PITPNC1: variants seen among roughly 807,000 people sequenced by gnomAD.
The protein encoded by PITPNC1 is phosphatidylinositol transfer protein cytoplasmic 1.
A neutral mutation model predicts 44.7 loss-of-function variants in PITPNC1; 18 were observed. That is an observed-to-expected ratio of 0.40 (90% CI 0.28 to 0.60). The LOEUF is 0.60. Among genes scored for constraint, PITPNC1 ranks in the 20% least tolerant of loss-of-function variants. The pLI is 0.39. For synonymous variants in PITPNC1, 141 were observed against 149.6 expected (o/e 0.94, Z 0.42); for missense variants, 290 against 418.4 (o/e 0.69, Z 2.68).
At chr17:67,484,351 A>G (rs1001241158) in intron 1 of PITPNC1, among the ~76,000 whole-genome samples, 2 of 152,200 alleles carry the variant, frequency 1.3e-5, no homozygotes, top group African/African-American at 4.8e-5. Context: ...GATCATTTAT[A>G]GCCAACTTTT....
chr17:67,670,522 T>G (rs1425991316), intron 7 of PITPNC1, among the ~76,000 whole-genome samples: 3 of 151,536 alleles, frequency 2.0e-5, no homozygotes, highest in Non-Finnish European at 4.4e-5. Flanking sequence ...CTGAGGCAGG[T>G]GGATCACTTG....
chr17:67,693,667 C>T lies in PITPNC1; in HGVS notation c.*779C>T, dbSNP rs894637241. 5 of 152,202 alleles carry T rather than the reference C, an allele frequency of 3.3e-5. No homozygotes were observed. The highest frequency in any genetic ancestry group is 9.7e-5 in the African/African-American group (4 of 41,444). The allele number at this position is 152,202 out of a possible 1,614,324, so 9.4% of individuals were successfully genotyped here. On this transcript the variant is annotated 3_prime_UTR_variant, in exon 9 of 9. Transcript: ENST00000581322. Reference sequence around the variant, plus strand: ...GGTGAGGCAACATCTTTTTTCTCTACAGGTACCAACAAACCTTGACTTGTC... The same window carrying T: ...GGTGAGGCAACATCTTTTTTCTCTATAGGTACCAACAAACCTTGACTTGTC...
chr17:67,378,071 C>T lies in PITPNC1; in HGVS notation c.-84C>T, dbSNP rs1039493650. 85 of 899,892 alleles carry T rather than the reference C, an allele frequency of 9.4e-5. No individual in the cohort carries two copies. Among genetic ancestry groups the T allele is most frequent in the Non-Finnish European group, 1.2e-4 (76 of 636,372 alleles). The allele number at this position is 899,892 out of a possible 1,614,324, so 55.7% of individuals were successfully genotyped here. A position where few individuals can be genotyped will look rare whatever the true frequency, so the allele number is the denominator to read the frequency against. ...GCTCCGAGCGCCGGGCTCCGGGCGC[C>T]CTGCCCTGCGCCTGGGCAGCAGCCT... On this transcript the variant is annotated 5_prime_UTR_variant, in exon 1 of 9. Coordinates refer to ENST00000581322, the MANE Select transcript of PITPNC1 (RefSeq NM_012417.4).
intron 7 of PITPNC1, among the ~76,000 whole-genome samples, chr17:67,672,214 G>A (rs761053615): frequency 1.4e-4 from 21 of 151,918 alleles, no homozygotes; most frequent in Non-Finnish European, 2.4e-4. Flanking sequence ...GTTTACAGTC[G>A]TGAGCCACCA....
At chr17:67,426,799 T>C (rs1480900926) in intron 1 of PITPNC1, among the ~76,000 whole-genome samples, 1 of 151,974 alleles carries the variant, frequency 6.6e-6, no homozygotes, top group Non-Finnish European at 1.5e-5. Context: ...ATCATGATTT[T>C]TTTAAAAACT....
At chr17:67,381,944 G>A (rs2037966765) in intron 1 of PITPNC1, among the ~76,000 whole-genome samples, 1 of 152,134 alleles carries the variant, frequency 6.6e-6, no homozygotes, top group Non-Finnish European at 1.5e-5. Context: ...TGGCACTGGT[G>A]TGTTATTATC....
rs964825791 is a variant in PITPNC1 at position 67,589,101 on chromosome 17, T to A, written c.366+10844T>A. Among the ~76,000 whole-genome samples the A allele has an allele frequency of 3.3e-5, 5 of 152,246 alleles. 1 individual carries two copies. The highest frequency in any genetic ancestry group is 1.2e-4 in the African/African-American group (5 of 41,466). On this transcript the variant is annotated intron_variant, in intron 5 of 8. Coordinates refer to ENST00000581322, the MANE Select transcript of PITPNC1 (RefSeq NM_012417.4). ...CTGTGAAGTGGAAAGTCAATGTTCT[T>A]ATTCAATCTGTGTCTAATGGTGTCA...
chr17:67,411,063 CAG>C (rs1415567481), intron 1 of PITPNC1, among the ~76,000 whole-genome samples: 1 of 136,100 alleles, frequency 7.3e-6, no homozygotes, highest in Non-Finnish European at 1.5e-5. Context: ...GCCTGGGTGA[CAG>C]AGTGAGACTC....
In PITPNC1 at chr17:67,425,186, T is replaced by TGCGTGCGCGC. The variant is rs1598644712; in HGVS notation, c.48+46987_48+46988insTGCGCGCGCG. On this transcript the variant is annotated intron_variant, in intron 1 of 8. Coordinates refer to ENST00000581322, the MANE Select transcript of PITPNC1 (RefSeq NM_012417.4). ...CCAGGTGAAATAAACAGCCATGTTG[T>TGCGTGCGCGC]GCGCGCGCACGCACACGCACACACA... Among the ~76,000 whole-genome samples the TGCGTGCGCGC allele has an allele frequency of 1.1e-4, 6 of 55,720 alleles. 2 individuals are homozygous for TGCGTGCGCGC. The East Asian group carries it at 2.1e-3, about 19-fold the overall frequency. 36.6% of individuals were successfully genotyped at this position (55,720 alleles called of 152,430 possible).
chr17:67,395,557 C>T (rs1330290784), intron 1 of PITPNC1, among the ~76,000 whole-genome samples: 1 of 152,106 alleles, frequency 6.6e-6, no homozygotes, highest in African/African-American at 2.4e-5. Flanking sequence ...TCCCTGGTGG[C>T]GTGGCCCTCC....
chr17:67,664,126 G>C (rs895905819), intron 6 of PITPNC1, among the ~76,000 whole-genome samples: 2 of 152,034 alleles, frequency 1.3e-5, no homozygotes, highest in African/African-American at 4.8e-5. Flanking sequence ...ACCACGCCCA[G>C]CTAAATTTTT....
chr17:67,647,463 GGTTTTTT>G (rs2042161819), intron 6 of PITPNC1, among the ~76,000 whole-genome samples: 11 of 90,612 alleles, frequency 1.2e-4, no homozygotes, highest in East Asian at 5.6e-4. Context: ...GCTAATTTTG[GGTTTTTT>G]TTTTTTTTTT....
intron 5 of PITPNC1, among the ~76,000 whole-genome samples, chr17:67,591,174 G>C (rs2041387014): frequency 6.6e-6 from 1 of 152,034 alleles, no homozygotes; most frequent in African/African-American, 2.4e-5. Context: ...CTAATCATAA[G>C]GAAACTTTAC....
At chr17:67,398,993 T>C (rs915639914) in intron 1 of PITPNC1, among the ~76,000 whole-genome samples, 11 of 151,154 alleles carry the variant, frequency 7.3e-5, no homozygotes, top group Admixed American at 1.3e-4. Flanking sequence ...TCTCGTGTAG[T>C]TGTAAGAGGA....
chr17:67,569,353 A>G (rs1333883591), intron 4 of PITPNC1, among the ~76,000 whole-genome samples: 1 of 152,096 alleles, frequency 6.6e-6, no homozygotes, highest in East Asian at 1.9e-4. Context: ...ATTTCCCGAC[A>G]CTGAACCTGG....
At chr17:67,673,156 C>T (rs556459913) in intron 7 of PITPNC1, among the ~76,000 whole-genome samples, 84 of 152,258 alleles carry the variant, frequency 5.5e-4, no homozygotes, top group Non-Finnish European at 9.7e-4. Flanking sequence ...GGCCTGGAGT[C>T]ATAAACACTT....
intron 6 of PITPNC1, among the ~76,000 whole-genome samples, chr17:67,666,224 G>A (rs894871311): frequency 3.9e-5 from 6 of 152,264 alleles, no homozygotes; most frequent in Admixed American, 2.6e-4. Flanking sequence ...TTGAACTTCT[G>A]GCCTCAAGCA....
chr17:67,583,293 T>A (rs62084144), intron 5 of PITPNC1, among the ~76,000 whole-genome samples: 1 of 152,054 alleles, frequency 6.6e-6, no homozygotes, highest in Non-Finnish European at 1.5e-5. Context: ...CAGCTGCCTA[T>A]TAAAATCACC....
intron 1 of PITPNC1, among the ~76,000 whole-genome samples, chr17:67,413,842 G>A (rs1461929429): frequency 6.6e-6 from 1 of 152,118 alleles, no homozygotes; most frequent in African/African-American, 2.4e-5. Context: ...GACCTCATAA[G>A]AAAATGTCAT....
Sources: gnomAD v4.1 joint callset for allele counts (sites outside exome capture counted in the v4.1 genomes callset) on GRCh38, gnomAD v4.1.1 for gene constraint, MANE v1.5 for transcripts, NCBI Gene and HGNC (gene_info 2026-07-23, HGNC 2026-07-21) for gene names.